The following ANO4 variants were observed in gnomAD, a reference collection of about 807,000 sequenced individuals.
The protein encoded by ANO4 is anoctamin 4, also known as anoctamin-4.
ANO4 carries 69 observed loss-of-function variants against 141.9 expected under a neutral mutation model. The ratio of observed to expected loss-of-function variants is 0.49; its 90% CI spans 0.40 to 0.59. The LOEUF (loss-of-function observed/expected upper bound fraction) is 0.59, where lower values mean the gene tolerates loss of function less well. Among genes scored for constraint, ANO4 ranks in the 20% least tolerant of loss-of-function variants. The pLI, the probability that ANO4 is intolerant of heterozygous loss-of-function variation, is 0.00. For missense variants in ANO4, 894 were observed against 1,162.2 expected (o/e 0.77, Z 3.36); for synonymous variants, 350 against 394.3 (o/e 0.89, Z 1.33).
intron 1 of ANO4, among the ~76,000 whole-genome samples, chr12:100,821,186 C>G (rs1277013361): frequency 6.6e-6 from 1 of 151,906 alleles, no homozygotes; most frequent in Non-Finnish European, 1.5e-5. Context: ...TAGTCAGTTG[C>G]CATATGGTAC....
At chr12:101,007,297 C>T (rs1258896392) in intron 8 of ANO4, among the ~76,000 whole-genome samples, 7 of 152,140 alleles carry the variant, frequency 4.6e-5, no homozygotes, top group Non-Finnish European at 1.0e-4. Flanking sequence ...TTGCAGTGAG[C>T]GGAGATTGCA....
intron 15 of ANO4, among the ~76,000 whole-genome samples, chr12:101,081,653 A>G (rs1315768196): frequency 1.3e-5 from 2 of 152,194 alleles, no homozygotes; most frequent in South Asian, 2.1e-4. Context: ...GGGCTGCCAT[A>G]ACAAAGTACC....
intron 2 of ANO4, chr12:100,733,926 G>T: frequency 1.5e-6 from 1 of 652,948 alleles, no homozygotes; most frequent in Non-Finnish European, 2.8e-6. Flanking sequence ...AGGTCAAGGG[G>T]GTGGCTGGGG....
In ANO4 at chr12:100,787,871, G is replaced by A. The variant is rs2033923099; in HGVS notation, c.358+47766G>A. ...AAGTCAGAGGAAGTGCAAGCTTGGA[G>A]GAAAAAAAGCTTGGATTTGGTATTG... On this transcript the variant is annotated intron_variant, in intron 3 of 29. Transcript: ENST00000644049. Among the ~76,000 whole-genome samples, 4 of 152,054 alleles carry A rather than the reference G, an allele frequency of 2.6e-5. No homozygotes were observed. The South Asian group carries it at 8.3e-4, about 31-fold the overall frequency.
chr12:101,071,952 C>T (rs950814788), intron 14 of ANO4, among the ~76,000 whole-genome samples: 1 of 152,100 alleles, frequency 6.6e-6, no homozygotes, highest in African/African-American at 2.4e-5. Context: ...TGTCTAAATG[C>T]CTTAGTAACG....
chr12:100,810,668 G>T (rs574053860), intron 1 of ANO4, among the ~76,000 whole-genome samples: 17 of 152,266 alleles, frequency 1.1e-4, no homozygotes, highest in African/African-American at 3.1e-4. Flanking sequence ...AAGGATACAG[G>T]AAAGTGTGCA....
chr12:100,798,539 TA>T (rs2034483649), intron 1 of ANO4, among the ~76,000 whole-genome samples: 1 of 152,188 alleles, frequency 6.6e-6, no homozygotes, highest in African/African-American at 2.4e-5. Flanking sequence ...GCCTCCCTAC[TA>T]AATTCATTTA....
chr12:101,054,140 C>A (rs572185638), intron 14 of ANO4, among the ~76,000 whole-genome samples: 65 of 152,132 alleles, frequency 4.3e-4, no homozygotes, highest in Non-Finnish European at 8.2e-4. Context: ...AATTTGTGAA[C>A]AACGTAAATG....
At chr12:101,080,987 C>A (rs2049250461) in intron 15 of ANO4, among the ~76,000 whole-genome samples, 1 of 138,122 alleles carries the variant, frequency 7.2e-6, no homozygotes, top group African/African-American at 2.7e-5. Context: ...ATATCTAGAA[C>A]CTAGAAAAAA....
intron 1 of ANO4, among the ~76,000 whole-genome samples, chr12:100,816,084 C>A (rs1488278524): frequency 6.6e-6 from 1 of 151,782 alleles, no homozygotes; most frequent in East Asian, 1.9e-4. Context: ...AATTGTGTTC[C>A]CAAAGCATTT....
At chr12:100,798,986 C>T (rs1009845298) in intron 1 of ANO4, among the ~76,000 whole-genome samples, 7 of 152,152 alleles carry the variant, frequency 4.6e-5, no homozygotes, top group Non-Finnish European at 1.0e-4. Flanking sequence ...TGGTCCCCCA[C>T]AGGGGACCTC....
intron 1 of ANO4, among the ~76,000 whole-genome samples, chr12:100,892,920 C>T (rs572657737): frequency 6.6e-6 from 1 of 152,172 alleles, no homozygotes; most frequent in African/African-American, 2.4e-5. Flanking sequence ...CCCTCCGTTT[C>T]TTTCTAGAAC....
At chr12:101,043,045 C>T (rs146739343) in intron 12 of ANO4, among the ~76,000 whole-genome samples, 81 of 152,284 alleles carry the variant, frequency 5.3e-4, no homozygotes, top group African/African-American at 8.7e-4. Context: ...CTTCCACCTA[C>T]GAAAACATTT....
At position 100,834,027 on chromosome 12, in the gene ANO4, C is replaced by T. The variant is rs1477102763; in HGVS notation, c.-141+39000C>T. On this transcript the variant is annotated intron_variant, in intron 1 of 27. Transcript: ENST00000392977. ...TTTGGGAGGGCTAAGGTAGCTCACT[C>T]GATTCACCAGTCTAGAGAACCAAGC... Among the ~76,000 whole-genome samples the T allele has an allele frequency of 4.6e-5, 7 of 152,086 alleles. No individual in the cohort carries two copies. The South Asian group carries it at 8.3e-4, about 18-fold the overall frequency.
intron 24 of ANO4, among the ~76,000 whole-genome samples, chr12:101,112,660 G>A (rs945785356): frequency 2.0e-5 from 3 of 152,234 alleles, no homozygotes; most frequent in African/African-American, 4.8e-5. Flanking sequence ...GTAGCTGATC[G>A]ACCCCAAGGA....
rs114912679 is a variant in ANO4, at chr12:101,074,411, G to A, written c.1313-4782G>A. ...GGATACGGAAAAAGCACCCCGCAAT[G>A]TTTTAAGAAGTCAACAGGCAAGTAC... On this transcript the variant is annotated intron_variant, in intron 14 of 27. Transcript: ENST00000392977. Among the ~76,000 whole-genome samples, 1,005 of 152,274 alleles carry A rather than the reference G, an allele frequency of 6.6e-3. 12 individuals are homozygous for A. Among genetic ancestry groups the A allele is most frequent in the African/African-American group, 0.023 (964 of 41,560 alleles).
chr12:101,024,542 G>A (rs564712023), intron 9 of ANO4, among the ~76,000 whole-genome samples: 5 of 152,034 alleles, frequency 3.3e-5, no homozygotes, highest in Admixed American at 2.0e-4. Flanking sequence ...GTTGCAGTGA[G>A]CCGAGATCGC....
chr12:100,760,764 A>G (rs1039854822), intron 3 of ANO4, among the ~76,000 whole-genome samples: 3 of 152,184 alleles, frequency 2.0e-5, no homozygotes, highest in South Asian at 4.1e-4. Flanking sequence ...GAAGATTTCT[A>G]TACATCGTCA....
chr12:101,028,051 T>A (rs1385923565), intron 9 of ANO4, among the ~76,000 whole-genome samples: 1 of 151,966 alleles, frequency 6.6e-6, no homozygotes, highest in Non-Finnish European at 1.5e-5. Flanking sequence ...GGGCCTAAAG[T>A]GAACCCCCAG....
Sources: allele counts gnomAD v4.1 joint callset (sites outside exome capture counted in the v4.1 genomes callset), GRCh38; gene constraint gnomAD v4.1.1; transcripts MANE v1.5; gene names NCBI Gene and HGNC (gene_info 2026-07-23, HGNC 2026-07-21).